MSH3: variants seen among roughly 807,000 people sequenced by gnomAD.
MSH3 encodes the protein DNA mismatch repair protein Msh3.
MSH3 carries 106 observed loss-of-function variants against 123.3 expected under a neutral mutation model. The ratio of observed to expected loss-of-function variants is 0.86; its 90% CI spans 0.73 to 1.01. MSH3 has a LOEUF of 1.01. Among genes scored for constraint, MSH3 ranks in the 50% least tolerant of loss-of-function variants. MSH3 has a pLI of 0.00. For synonymous variants in MSH3, 515 were observed against 481.4 expected (o/e 1.07, Z -0.91); for missense variants, 1,459 against 1,347.6 (o/e 1.08, Z -1.29).
chr5:80,845,188 G>A (rs1745698612), intron 20 of MSH3, among the ~76,000 whole-genome samples: 1 of 152,132 alleles, frequency 6.6e-6, no homozygotes, highest in Non-Finnish European at 1.5e-5. Context: ...ATGAGATTCT[G>A]GGTTGAAAAT....
At chr5:80,793,432 G>C (rs994024203) in intron 19 of MSH3, among the ~76,000 whole-genome samples, 3 of 152,174 alleles carry the variant, frequency 2.0e-5, no homozygotes, top group African/African-American at 7.2e-5. Context: ...AGAGAAGATA[G>C]GCTAGTGCAA....
intron 3 of MSH3, among the ~76,000 whole-genome samples, chr5:80,667,770 TGCAGA>T (rs1466065258): frequency 6.6e-6 from 1 of 152,190 alleles, no homozygotes; most frequent in African/African-American, 2.4e-5. Context: ...TTCCAGGAAC[TGCAGA>T]GCCCCAGAGA....
chr5:80,757,872 A>G lies in MSH3; in HGVS notation c.1764-3674A>G, dbSNP rs148926737. 4.2e-3 allele frequency among the ~76,000 whole-genome samples: 643 copies of G among 152,310 alleles called. 6 individuals are homozygous for G. The highest frequency in any genetic ancestry group is 0.014 in the African/African-American group (595 of 41,572). On this transcript the variant is annotated intron_variant, in intron 12 of 23. Transcript: ENST00000265081. ...GCACATTAAAAAACAATTCTAAGGTATGTGAATTGTTTAATATTTAAAAAT... is the reference window on the plus strand; with the variant it reads ...GCACATTAAAAAACAATTCTAAGGTGTGTGAATTGTTTAATATTTAAAAAT...
intron 23 of MSH3, among the ~76,000 whole-genome samples, chr5:80,873,664 A>G (rs1746260982): frequency 6.6e-6 from 1 of 152,210 alleles, no homozygotes; most frequent in African/African-American, 2.4e-5. Context: ...GATTACATCC[A>G]GAAATTCTAT....
intron 22 of MSH3, among the ~76,000 whole-genome samples, chr5:80,872,411 G>C (rs1486638716): frequency 6.6e-6 from 1 of 152,214 alleles, no homozygotes; most frequent in Non-Finnish European, 1.5e-5. Flanking sequence ...GAGACTGCCA[G>C]TGAGCTGAGA....
At position 80,750,953 on chromosome 5, in the gene MSH3, CCTAAT is replaced by C. The variant is rs760024737; in HGVS notation, c.1763+6343_1763+6347del. On this transcript the variant is annotated intron_variant, in intron 12 of 23. Coordinates refer to ENST00000265081, the MANE Select transcript of MSH3 (RefSeq NM_002439.5). ...TCTTCGGAGAGGTTTTATTTGACCT[CCTAAT>C]CTAAATTATGTTCCTTGTATCACTC... is the stretch of plus-strand genomic sequence containing the variant. Among the ~76,000 whole-genome samples the C allele has an allele frequency of 2.0e-3, 301 of 152,228 alleles. 2 individuals are homozygous for C. Among genetic ancestry groups the C allele is most frequent in the African/African-American group, 5.6e-3 (233 of 41,552 alleles).
At chr5:80,822,689 C>G (rs551133299) in intron 20 of MSH3, among the ~76,000 whole-genome samples, 1 of 152,284 alleles carries the variant, frequency 6.6e-6, no homozygotes, top group East Asian at 1.9e-4. Flanking sequence ...GACACTTTCC[C>G]TCTTGGAGCA....
chr5:80,834,218 T>C (rs2112082356), intron 20 of MSH3, among the ~76,000 whole-genome samples: 1 of 152,152 alleles, frequency 6.6e-6, no homozygotes, highest in East Asian at 1.9e-4. Flanking sequence ...CAAACTACCC[T>C]CCAGGGTGTG....
At chr5:80,697,122 C>T (rs534401459) in intron 8 of MSH3, among the ~76,000 whole-genome samples, 1 of 152,294 alleles carries the variant, frequency 6.6e-6, no homozygotes, top group African/African-American at 2.4e-5. Flanking sequence ...TTCATATTTC[C>T]TTCTTACGAA....
At chr5:80,722,188 C>A (rs1238318886) in intron 8 of MSH3, among the ~76,000 whole-genome samples, 5 of 152,140 alleles carry the variant, frequency 3.3e-5, no homozygotes, top group African/African-American at 1.2e-4. Flanking sequence ...CATACGATCT[C>A]CTTGCTCAGG....
intron 16 of MSH3, among the ~76,000 whole-genome samples, 172 bp downstream of exon 16, chr5:80,775,930 C>G (rs1282881235): frequency 6.6e-6 from 1 of 151,332 alleles, no homozygotes; most frequent in Non-Finnish European, 1.5e-5. Flanking sequence ...TGCTCTGTCA[C>G]CCAGGCTGGA....
At position 80,692,626 on chromosome 5, in the gene MSH3, GTA is replaced by G. The variant is rs1338500886; in HGVS notation, c.1340+13537_1340+13538del. ...TATATAGATGAATATATATAAACATGTATATGTTTATATATGTTTATATAGAT... is the reference window on the plus strand; with the variant it reads ...TATATAGATGAATATATATAAACATGTATGTTTATATATGTTTATATAGAT... On this transcript the variant is annotated intron_variant, in intron 8 of 23. Transcript: ENST00000265081. Among the ~76,000 whole-genome samples the G allele has an allele frequency of 1.4e-4, 20 of 140,096 alleles. 2 individuals are homozygous for G. Among genetic ancestry groups the G allele is most frequent in the Middle Eastern group, 0.011 (1 of 88 alleles). The allele number at this position is 140,096 out of a possible 152,430, so 91.9% of individuals were successfully genotyped here.
intron 21 of MSH3, among the ~76,000 whole-genome samples, chr5:80,858,579 A>G (rs544303865): frequency 1.3e-5 from 2 of 152,194 alleles, no homozygotes; most frequent in East Asian, 3.9e-4. Flanking sequence ...CAAATATTGT[A>G]TGATTTTTAT....
Position 80,670,110 on chromosome 5 carries a change from T to G in MSH3, c.593T>G (p.Phe198Cys), listed in dbSNP as rs766194502. The change falls in exon 4 of 24, where the codon TTT becomes TGT. Residue 198 changes from phenylalanine to cysteine, a missense_variant. Coordinates refer to ENST00000265081, the MANE Select transcript of MSH3 (RefSeq NM_002439.5). ...TTTGGTTGCCAGGACACAACACTTTTTGATCTCAGTCAGTTTGGATCATCA... is the reference window on the plus strand; with the variant it reads ...TTTGGTTGCCAGGACACAACACTTTGTGATCTCAGTCAGTTTGGATCATCA... The part of the protein sequence containing the change: ...RQINQKDTTL[F>C]DLSQFGSSNT... 3 of 1,614,148 alleles carry G rather than the reference T, an allele frequency of 1.9e-6. No individual in the cohort carries two copies. Among genetic ancestry groups the G allele is most frequent in the Non-Finnish European group, 2.5e-6 (3 of 1,179,996 alleles).
chr5:80,691,532 T>C (rs1750250813), intron 8 of MSH3, among the ~76,000 whole-genome samples: 1 of 122,906 alleles, frequency 8.1e-6, no homozygotes, highest in African/African-American at 2.8e-5. Context: ...AATGCAATTC[T>C]TTTTTTTTTT....
intron 12 of MSH3, among the ~76,000 whole-genome samples, chr5:80,758,438 C>T (rs1035508434): frequency 6.6e-6 from 1 of 152,096 alleles, no homozygotes; most frequent in African/African-American, 2.4e-5. Flanking sequence ...AGTTAGGGCT[C>T]ATTGCTCTTC....
At chr5:80,869,129 C>T (rs542566454) in intron 22 of MSH3, among the ~76,000 whole-genome samples, 2 of 152,286 alleles carry the variant, frequency 1.3e-5, no homozygotes, top group East Asian at 3.9e-4. Flanking sequence ...GAACAAGTCA[C>T]CTAACTTCAC....
intron 14 of MSH3, 103 bp downstream of exon 14, chr5:80,768,223 A>G (rs1744157038): frequency 4.8e-6 from 5 of 1,038,220 alleles, no homozygotes; most frequent in African/African-American, 1.6e-5. Context: ...TAATAATAGA[A>G]GTTGCATGAG....
chr5:80,791,325 G>T (rs1016170958), intron 18 of MSH3, among the ~76,000 whole-genome samples: 4 of 152,150 alleles, frequency 2.6e-5, no homozygotes, highest in African/African-American at 9.7e-5. Context: ...AGCTTTAAAA[G>T]ATTTCAAAAA....
Sources: allele counts gnomAD v4.1 joint callset (sites outside exome capture counted in the v4.1 genomes callset), GRCh38; gene constraint gnomAD v4.1.1; transcripts MANE v1.5; gene names NCBI Gene and HGNC (gene_info 2026-07-23, HGNC 2026-07-21).